The following CHRM2 variants were observed in gnomAD, a reference collection of about 807,000 sequenced individuals.
CHRM2 encodes cholinergic receptor muscarinic 2, also known as muscarinic acetylcholine receptor M2.
A neutral mutation model predicts 25.0 loss-of-function variants in CHRM2; 8 were observed. That is an observed-to-expected ratio of 0.32 (90% confidence interval 0.19 to 0.58). The LOEUF (loss-of-function observed/expected upper bound fraction) is 0.58. Ranked by LOEUF, CHRM2 falls within the 20% of genes least tolerant of loss-of-function variation. CHRM2 has a pLI of 0.88. For missense variants in CHRM2, 440 were observed against 567.1 expected (o/e 0.78, Z 2.28); for synonymous variants, 202 against 205.7 (o/e 0.98, Z 0.15).
intron 2 of CHRM2, chr7:136,907,859 A>T (rs1430018136): frequency 6.6e-6 from 1 of 151,956 alleles, no homozygotes; most frequent in Non-Finnish European, 1.5e-5. Flanking sequence ...ACGCTCTCTG[A>T]TCCAGAGCAG....
At chr7:136,918,568 GTTT>G (rs71784944) in intron 2 of CHRM2, among the ~76,000 whole-genome samples, 1 of 151,606 alleles carries the variant, frequency 6.6e-6, no homozygotes, top group Non-Finnish European at 1.5e-5. Flanking sequence ...TGAAGTAACA[GTTT>G]TTTAAAAAAA....
intron 2 of CHRM2, chr7:136,938,582 C>A: frequency 1.1e-6 from 1 of 879,744 alleles, no homozygotes; most frequent in Non-Finnish European, 1.9e-6. Flanking sequence ...ATAGCCGCTG[C>A]CCAGGCCACC....
chr7:136,968,743 T>C lies in CHRM2; in HGVS notation c.-124-23444T>C, dbSNP rs184157071. On this transcript the variant is annotated intron_variant, in intron 2 of 3. Coordinates refer to ENST00000680005, the MANE Select transcript of CHRM2 (RefSeq NM_001006630.2). ...ATAAATATATATATATATATATATA[T>C]ACAGACAATAAATCACTATCTAGCC... Among the ~76,000 whole-genome samples the C allele has an allele frequency of 1.4e-4, 20 of 146,636 alleles. No homozygotes were observed. The East Asian group carries it at 2.5e-3, about 19-fold the overall frequency.
intron 2 of CHRM2, among the ~76,000 whole-genome samples, chr7:136,991,616 C>T (rs1384579422): frequency 3.3e-5 from 5 of 152,076 alleles, no homozygotes; most frequent in Admixed American, 2.0e-4. Flanking sequence ...CTTGGATTAA[C>T]TTAGCTACCA....
intron 2 of CHRM2, among the ~76,000 whole-genome samples, chr7:136,983,674 C>T (rs989428819): frequency 6.6e-6 from 1 of 152,120 alleles, no homozygotes; most frequent in Non-Finnish European, 1.5e-5. Flanking sequence ...GTGAGTTTTC[C>T]TTCTAACAGT....
intron 2 of CHRM2, among the ~76,000 whole-genome samples, chr7:136,947,508 G>C (rs1313259637): frequency 6.6e-6 from 1 of 152,080 alleles, no homozygotes; most frequent in Non-Finnish European, 1.5e-5. Flanking sequence ...CTAACTATCA[G>C]CACAATCTTT....
chr7:136,962,224 T>C (rs911488373), intron 2 of CHRM2, among the ~76,000 whole-genome samples: 2 of 151,792 alleles, frequency 1.3e-5, no homozygotes, highest in Non-Finnish European at 2.9e-5. Flanking sequence ...CCTCTGTCTC[T>C]GAGGTTCAAG....
At chr7:137,014,719 G>A in intron 3 of CHRM2, 101 bp from the exon 4 acceptor site, 1 of 778,002 alleles carries the variant, frequency 1.3e-6, no homozygotes, top group Non-Finnish European at 2.1e-6. Context: ...GGGGAAGGGA[G>A]ATTTGGGAGA....
chr7:136,896,039 T>G (rs1052500562), intron 2 of CHRM2, among the ~76,000 whole-genome samples: 4 of 152,212 alleles, frequency 2.6e-5, no homozygotes, highest in African/African-American at 9.7e-5. Flanking sequence ...AGACTTGTTT[T>G]TAAATTTTAT....
At chr7:136,904,359 C>A (rs1259841104) in intron 2 of CHRM2, among the ~76,000 whole-genome samples, 1 of 151,792 alleles carries the variant, frequency 6.6e-6, no homozygotes. Flanking sequence ...TTTTCTATAT[C>A]TCTACTCATT....
At chr7:136,892,826 C>G (rs914395937) in intron 2 of CHRM2, among the ~76,000 whole-genome samples, 1 of 151,968 alleles carries the variant, frequency 6.6e-6, no homozygotes, top group Non-Finnish European at 1.5e-5. Flanking sequence ...CATGCCACCA[C>G]GCCTGGCTAA....
chr7:137,013,056 C>T (rs375423572), intron 3 of CHRM2, among the ~76,000 whole-genome samples: 1 of 152,080 alleles, frequency 6.6e-6, no homozygotes, highest in East Asian at 1.9e-4. Context: ...TGAACTACTA[C>T]ATCAATGTTT....
At chr7:136,998,342 C>T (rs1803747134) in intron 3 of CHRM2, among the ~76,000 whole-genome samples, 1 of 152,068 alleles carries the variant, frequency 6.6e-6, no homozygotes, top group South Asian at 2.1e-4. Flanking sequence ...GAGTCCTCTT[C>T]CATAAGGCCA....
chr7:137,013,212 T>C (rs151004482), intron 3 of CHRM2, among the ~76,000 whole-genome samples: 46 of 152,148 alleles, frequency 3.0e-4, no homozygotes, highest in Non-Finnish European at 5.7e-4. Flanking sequence ...TTTAAAGGAA[T>C]ATGCAACAGT....
At chr7:136,889,522 T>C (rs1796609710) in intron 2 of CHRM2, among the ~76,000 whole-genome samples, 1 of 152,194 alleles carries the variant, frequency 6.6e-6, no homozygotes, top group Admixed American at 6.5e-5. Context: ...ACAAATCAAC[T>C]TTTCCAACTC....
intron 3 of CHRM2, among the ~76,000 whole-genome samples, chr7:137,009,233 G>C (rs569752087): frequency 5.3e-5 from 8 of 151,978 alleles, no homozygotes; most frequent in African/African-American, 1.9e-4. Flanking sequence ...TTATCTAAAT[G>C]TATATCAGTT....
rs1459893470 is a variant in CHRM2, at chr7:137,014,837, CT to C, written c.-28del. On this transcript the variant is annotated 5_prime_UTR_variant, in exon 4 of 4. An upstream open reading frame in the 5' UTR loses its in-frame stop. Transcript: ENST00000680005. Reference sequence around the variant, plus strand: ...CCTTGCAGGTTTAAATGTTTATTTGCTACTTGGCTACTGATTAGAGAACGCA... The same window carrying C: ...CCTTGCAGGTTTAAATGTTTATTTGCACTTGGCTACTGATTAGAGAACGCA... 4.4e-6 allele frequency: 7 copies of C among 1,582,314 alleles called. No homozygotes were observed. The highest frequency in any genetic ancestry group is 1.7e-4 in the Middle Eastern group (1 of 5,852).
intron 2 of CHRM2, among the ~76,000 whole-genome samples, chr7:136,974,122 A>G (rs1801961201): frequency 6.6e-6 from 1 of 152,158 alleles, no homozygotes; most frequent in Non-Finnish European, 1.5e-5. Flanking sequence ...CTTATGATTT[A>G]TGTCACCTGA....
chr7:136,915,289 CTT>C (rs1290942610), intron 2 of CHRM2, among the ~76,000 whole-genome samples: 2 of 151,848 alleles, frequency 1.3e-5, no homozygotes, highest in African/African-American at 4.8e-5. Flanking sequence ...CATTATCAAT[CTT>C]GGGTTCAACT....
Sources: allele counts gnomAD v4.1 joint callset (sites outside exome capture counted in the v4.1 genomes callset), GRCh38; gene constraint gnomAD v4.1.1; transcripts MANE v1.5; gene names NCBI Gene and HGNC (gene_info 2026-07-23, HGNC 2026-07-21).